HEXA: variants seen among roughly 807,000 people sequenced by gnomAD.
HEXA encodes the protein beta-hexosaminidase subunit alpha.
Under a neutral mutation model 73.3 loss-of-function variants are expected in HEXA, and 54 were observed. The observed-to-expected ratio is 0.74, with a 90% CI of 0.59 to 0.92. The LOEUF (loss-of-function observed/expected upper bound fraction) is 0.92. HEXA is among the 40% of genes least tolerant of loss of function. The probability of loss-of-function intolerance (pLI) is 0.00; values close to 1 mark genes in which losing one functional copy is unlikely to be tolerated. For missense variants in HEXA, 649 were observed against 653.0 expected (o/e 0.99, Z 0.07); for synonymous variants, 230 against 246.9 (o/e 0.93, Z 0.64).
chr15:72,346,472 T>A, intron 11 of HEXA, 55 bp downstream of exon 11: 2 of 1,579,332 alleles, frequency 1.3e-6, no homozygotes, highest in Non-Finnish European at 8.7e-7. Context: ...CTGCCTCCCA[T>A]CCTGTGCCCC....
Position 72,355,909 on chromosome 15 carries a change from C to A in HEXA, c.347-285G>T, listed in dbSNP as rs1258172343. 7 of 531,534 alleles carry A rather than the reference C, an allele frequency of 1.3e-5. No individual in the cohort carries two copies. The African/African-American group carries it at 1.3e-4, about 10-fold the overall frequency. The allele number at this position is 531,534 out of a possible 1,614,324, so 32.9% of individuals were successfully genotyped here. On this transcript the variant is annotated intron_variant, in intron 2 of 13. Transcript: ENST00000268097. Reference sequence around the variant, plus strand: ...GGAGGTCTGTACAAAGCACCACCTACCTCATGGGTCAGTTTCCACAGCAGA... The same window carrying A: ...GGAGGTCTGTACAAAGCACCACCTAACTCATGGGTCAGTTTCCACAGCAGA...
intron 5 of HEXA, among the ~76,000 whole-genome samples, chr15:72,352,447 C>CA (rs540544720): frequency 0.24 from 16,341 of 67,208 alleles, 1,395 homozygotes; most frequent in East Asian, 0.38. Flanking sequence ...ACAAAAAATA[C>CA]AAAAAAAAAA....
At position 72,343,968 on chromosome 15, in the gene HEXA, C is replaced by A. The variant is rs2088578618; in HGVS notation, c.*109G>T. ...CTTTCTCTCCAAGCACAGGGGCACG[C>A]AGGCAAGGGGCACGAAGGCAAGGGG... On this transcript the variant is annotated 3_prime_UTR_variant, in exon 14 of 14. Transcript: ENST00000268097. 3 of 883,634 alleles carry A rather than the reference C, an allele frequency of 3.4e-6. No homozygotes were observed. The highest frequency in any genetic ancestry group is 3.3e-5 in the African/African-American group (2 of 60,650). 54.7% of individuals were successfully genotyped at this position (883,634 alleles called of 1,614,324 possible). A position where few individuals can be genotyped will look rare whatever the true frequency, so the allele number is the denominator to read the frequency against.
At chr15:72,365,134 G>C (rs1186838966) in intron 1 of HEXA, among the ~76,000 whole-genome samples, 1 of 152,166 alleles carries the variant, frequency 6.6e-6, no homozygotes, top group African/African-American at 2.4e-5. Flanking sequence ...CTGTCGCCCA[G>C]GCTGGAGTGC....
intron 1 of HEXA, among the ~76,000 whole-genome samples, chr15:72,364,818 A>ATTT (rs762688276): frequency 5.3e-5 from 7 of 133,116 alleles, no homozygotes; most frequent in Admixed American, 1.5e-4. Context: ...TTTTAATTTA[A>ATTT]TTTTTTTTTT....
intron 13 of HEXA, 78 bp downstream of exon 13, chr15:72,345,368 T>A (rs1446330655): frequency 6.3e-7 from 1 of 1,592,828 alleles, no homozygotes; most frequent in Non-Finnish European, 8.5e-7. Context: ...TGTTAATTAT[T>A]GTCTTCCTCT....
At chr15:72,356,448 T>C (rs1489685820) in intron 2 of HEXA, 77 bp downstream of exon 2, 5 of 1,528,636 alleles carry the variant, frequency 3.3e-6, no homozygotes, top group Non-Finnish European at 3.6e-6. Context: ...GCATCAGCAG[T>C]TTAGGCCAGG....
intron 8 of HEXA, 63 bp from the exon 9 acceptor site, chr15:72,348,197 T>C: frequency 5.4e-6 from 6 of 1,104,932 alleles, no homozygotes; most frequent in Non-Finnish European, 8.3e-6. Context: ...TGCCTGGGGA[T>C]TAGTCACCTG....
rs1191455039 is a variant in HEXA, at chr15:72,355,534, C to T, written c.412+25G>A. On this transcript the variant is annotated intron_variant, in intron 3 of 13. Transcript: ENST00000268097. ...TTCCCACATCATCCTTTCTCTCTCT[C>T]TTTTAATCAGCCCCAATTTGTTACC... 6 of 1,537,274 alleles carry T rather than the reference C, an allele frequency of 3.9e-6. No individual in the cohort carries two copies. The South Asian group carries it at 6.7e-5, about 17-fold the overall frequency.
rs2088574792 is a variant in HEXA, at chr15:72,343,656, T to C, written c.*421A>G. 7.7e-6 allele frequency: 2 copies of C among 258,664 alleles called. No homozygotes were observed. The highest frequency in any genetic ancestry group is 9.5e-5 in the South Asian group (2 of 21,018). The allele number at this position is 258,664 out of a possible 1,614,324, so 16.0% of individuals were successfully genotyped here. Reference sequence around the variant, plus strand: ...ATATACCAACGCCTTGGAGATATAATGCAGAAGTGAAGTGAGCAGGCTGAG... The same window carrying C: ...ATATACCAACGCCTTGGAGATATAACGCAGAAGTGAAGTGAGCAGGCTGAG... On this transcript the variant is annotated 3_prime_UTR_variant, in exon 14 of 14. Coordinates refer to ENST00000268097, the MANE Select transcript of HEXA (RefSeq NM_000520.6).
At chr15:72,347,566 C>T in intron 10 of HEXA, 120 bp downstream of exon 10, 1 of 815,722 alleles carries the variant, frequency 1.2e-6, no homozygotes, top group Non-Finnish European at 2.1e-6. Flanking sequence ...AAGGAGAGTG[C>T]TCCGACCATT....
chr15:72,357,068 C>T (rs2114209), intron 1 of HEXA: 523 of 300,852 alleles, frequency 1.7e-3, no homozygotes, highest in Non-Finnish European at 3.0e-3. Flanking sequence ...TCAATTATGT[C>T]AGAGTAAACA....
chr15:72,366,893 A>C (rs1388955129), intron 1 of HEXA, among the ~76,000 whole-genome samples: 8 of 151,986 alleles, frequency 5.3e-5, no homozygotes, highest in Non-Finnish European at 1.2e-4. Context: ...AATCAAATTT[A>C]CTTTTCATGA....
intron 9 of HEXA, 47 bp from the exon 10 acceptor site, chr15:72,347,805 G>A (rs762978210): frequency 6.4e-7 from 1 of 1,552,300 alleles, no homozygotes; most frequent in South Asian, 1.1e-5. Context: ...AGCTCAGATG[G>A]GTTCTAGACT....
At chr15:72,345,377 C>T (rs370091400) in intron 13 of HEXA, 69 bp downstream of exon 13, 4 of 1,603,246 alleles carry the variant, frequency 2.5e-6, no homozygotes, top group Non-Finnish European at 2.6e-6. Context: ...TTGTCTTCCT[C>T]TCTCTAAGGG....
intron 9 of HEXA, 57 bp from the exon 10 acceptor site, chr15:72,347,815 T>C: frequency 6.6e-7 from 1 of 1,519,830 alleles, no homozygotes; most frequent in Middle Eastern, 1.7e-4. Flanking sequence ...GGTTCTAGAC[T>C]GTTTGTGCCA....
intron 1 of HEXA, among the ~76,000 whole-genome samples, chr15:72,365,150 C>T (rs796152247): frequency 7.2e-5 from 11 of 152,318 alleles, no homozygotes; most frequent in African/African-American, 2.2e-4. Context: ...AGTGCAATGG[C>T]GCGATCTCGG....
chr15:72,344,818 C>T (rs1457588364), intron 13 of HEXA, among the ~76,000 whole-genome samples: 1 of 152,190 alleles, frequency 6.6e-6, no homozygotes, highest in Non-Finnish European at 1.5e-5. Context: ...ACGAAGGAAT[C>T]AGGGAAATGA....
intron 1 of HEXA, chr15:72,358,159 G>A (rs572648004): frequency 6.6e-5 from 10 of 152,324 alleles, no homozygotes; most frequent in African/African-American, 2.4e-4. Context: ...GCAAGGGTGA[G>A]GAAAAACTAT....
Sources: gnomAD v4.1 joint callset for allele counts (sites outside exome capture counted in the v4.1 genomes callset) on GRCh38, gnomAD v4.1.1 for gene constraint, MANE v1.5 for transcripts, NCBI Gene and HGNC (gene_info 2026-07-23, HGNC 2026-07-21) for gene names.